The following C1orf54 variants were observed in gnomAD, a reference collection of about 807,000 sequenced individuals.
C1orf54 encodes chromosome 1 open reading frame 54.
C1orf54 carries 12 observed loss-of-function variants against 14.7 expected under a neutral mutation model. The observed-to-expected ratio is 0.82, with a 90% confidence interval of 0.52 to 1.32. C1orf54 has a LOEUF of 1.32. Ranked by LOEUF, C1orf54 falls within the 40% of genes most tolerant of loss-of-function variation. The pLI, the probability that C1orf54 is intolerant of heterozygous loss-of-function variation, is 0.00. For synonymous variants in C1orf54, 65 were observed against 56.3 expected (o/e 1.16, Z -0.70); for missense variants, 163 against 162.2 (o/e 1.00, Z -0.03).
At chr1:150,273,529 G>A (rs782265878) in intron 1 of C1orf54, among the ~76,000 whole-genome samples, 7 of 152,202 alleles carry the variant, frequency 4.6e-5, no homozygotes, top group Non-Finnish European at 8.8e-5. Context: ...TTCTGAAAGG[G>A]AAGAAAAACT....
At position 150,274,124 on chromosome 1, in the gene C1orf54, T is replaced by C; in HGVS notation, c.84T>C (p.Asp28=). 1.2e-6 allele frequency: 2 copies of C among 1,612,732 alleles called. No homozygotes were observed. The highest frequency in any genetic ancestry group is 1.7e-6 in the Non-Finnish European group (2 of 1,178,794). Residue 28 remains aspartate, a synonymous_variant, in exon 2 of 6, where the codon GAT becomes GAC. Transcript: ENST00000369099. ...AGGATGAAGAAAGACTGGGAGAGGA[T>C]GAATATTATCAGGTGGTCTATTATT... ...EYEDEERLGE[D]EYYQVVYYYT...
chr1:150,271,109 A>C (rs751937858), upstream of C1orf54, among the ~76,000 whole-genome samples: 18 of 151,718 alleles, frequency 1.2e-4, no homozygotes, highest in Non-Finnish European at 2.4e-4. Flanking sequence ...GGAATGAGAC[A>C]ATTCTCATGT....
chr1:150,274,060 C>T, intron 1 of C1orf54, 27 bp from the exon 2 acceptor site: 1 of 1,531,622 alleles, frequency 6.5e-7, no homozygotes, highest in Non-Finnish European at 9.0e-7. Context: ...CCAGATGTCC[C>T]TTGACCTCTA....
chr1:150,275,799 G>C lies in C1orf54; in HGVS notation c.189G>C (p.Leu63=), dbSNP rs1553852338. The C allele has an allele frequency of 6.2e-7, 1 of 1,608,508 alleles. No homozygotes were observed. Among genetic ancestry groups the C allele is most frequent in the African/African-American group, 1.3e-5 (1 of 74,872 alleles). ...CCATATTTGAGTCAGAGGACAGGCTGGTGAGTGAACTCTACATCTAAAAGG... is the reference window on the plus strand; with the variant it reads ...CCATATTTGAGTCAGAGGACAGGCTCGTGAGTGAACTCTACATCTAAAAGG... ...DYSIFESEDR[L]NRLDKDITEA... Residue 63 remains leucine (L), a splice_region_variant and synonymous_variant, in exon 3 of 6, where the codon CTG becomes CTC. Transcript: ENST00000369099.
upstream of C1orf54, chr1:150,272,562 A>G (rs1652285118): frequency 2.0e-6 from 1 of 511,316 alleles, no homozygotes; most frequent in Non-Finnish European, 3.5e-6. Flanking sequence ...GATCTAATCT[A>G]GGGCAGGGGG....
intron 2 of C1orf54, among the ~76,000 whole-genome samples, chr1:150,275,179 C>A (rs1553852179): frequency 6.6e-6 from 1 of 151,728 alleles, no homozygotes; most frequent in African/African-American, 2.4e-5. Flanking sequence ...GCTGGGACTA[C>A]AGGCGTGTGC....
chr1:150,279,823 C>G, intron 5 of C1orf54, 82 bp downstream of exon 5: 1 of 1,165,794 alleles, frequency 8.6e-7, no homozygotes, highest in Non-Finnish European at 1.2e-6. Flanking sequence ...GTAATTCTTA[C>G]CAGTATCTCT....
rs782182575 is a variant in C1orf54, at chr1:150,279,635, T to C, written c.301-8T>C. The C allele has an allele frequency of 6.2e-7, 1 of 1,605,820 alleles. No homozygotes were observed. The highest frequency in any genetic ancestry group is 8.5e-7 in the Non-Finnish European group (1 of 1,176,158). On this transcript the variant is annotated splice_region_variant and splice_polypyrimidine_tract_variant and intron_variant, in intron 4 of 5. Transcript: ENST00000369099. The stretch of plus-strand genomic sequence containing the variant: ...GCCTACTGTGTGGGGATGTCGGTAT[T>C]TTAGCAGAGTCCAGATCTGAACGAT...
intron 3 of C1orf54, among the ~76,000 whole-genome samples, 171 bp downstream of exon 3, chr1:150,275,970 C>G (rs112309246): frequency 1.4e-4 from 21 of 152,206 alleles, no homozygotes; most frequent in African/African-American, 5.1e-4. Context: ...AACCCCGTCT[C>G]TACTAAAAAT....
chr1:150,272,314 T>C (rs1652263593), upstream of C1orf54: 1 of 159,278 alleles, frequency 6.3e-6, no homozygotes, highest in African/African-American at 2.4e-5. Context: ...GGGATTCTTT[T>C]CAGTCTAGAA....
intron 5 of C1orf54, among the ~76,000 whole-genome samples, chr1:150,280,517 A>G (rs1332228193): frequency 6.6e-6 from 1 of 152,260 alleles, no homozygotes; most frequent in Non-Finnish European, 1.5e-5. Context: ...GGTAGAGTCA[A>G]GAGGCAAAGT....
At chr1:150,278,782 A>G (rs1652869288) in intron 4 of C1orf54, among the ~76,000 whole-genome samples, 1 of 152,208 alleles carries the variant, frequency 6.6e-6, no homozygotes, top group Admixed American at 6.5e-5. Flanking sequence ...TTGTGGAGTT[A>G]AAGAGTGAGT....
chr1:150,276,741 T>G, intron 4 of C1orf54, 109 bp downstream of exon 4: 1 of 824,290 alleles, frequency 1.2e-6, no homozygotes, highest in Non-Finnish European at 2.0e-6. Context: ...AACCAAATAA[T>G]TAGTACTTCA....
intron 5 of C1orf54, 83 bp from the exon 6 acceptor site, chr1:150,280,752 G>C: frequency 9.1e-7 from 1 of 1,102,792 alleles, no homozygotes; most frequent in Non-Finnish European, 1.3e-6. Context: ...TATCTGGGGA[G>C]TTTCCATAGA....
rs1553851879 is a variant in C1orf54 at position 150,274,086 on chromosome 1, G to A, written c.47-1G>A. On this transcript the variant is annotated splice_acceptor_variant, in intron 1 of 5. Transcript: ENST00000369099. LOFTEE classifies it high-confidence loss of function. The stretch of plus-strand genomic sequence containing the variant: ...TTGACCTCTAGTCCTTGTCCCCATA[G>A]GACAAGAATATGAGGATGAAGAAAG... 1 of 1,608,854 alleles carries A rather than the reference G, an allele frequency of 6.2e-7. No individual in the cohort carries two copies. The highest frequency in any genetic ancestry group is 2.2e-5 in the East Asian group (1 of 44,830).
At chr1:150,270,160 C>G (rs1553850987), upstream of C1orf54, among the ~76,000 whole-genome samples, 1 of 151,088 alleles carries the variant, frequency 6.6e-6, no homozygotes, top group Non-Finnish European at 1.5e-5. Flanking sequence ...GGAAAGAAAT[C>G]TGGAATATTG....
chr1:150,272,862 G>A lies in C1orf54; in HGVS notation c.45G>A (p.Leu15=), dbSNP rs782351557. ...FVAIFAVPLI[L]GQEYEDEERL... ...CCATCTTTGCTGTGCCACTTATCCT[G>A]GGTAAGTCCACTCCTCTCTCTGAGC... is the stretch of plus-strand genomic sequence containing the variant. The change falls in exon 1 of 6, where the codon CTG becomes CTA. Residue 15 remains leucine, a splice_region_variant and synonymous_variant. Transcript: ENST00000369099. 6.2e-7 allele frequency: 1 copy of A among 1,614,104 alleles called. No individual in the cohort carries two copies. Among genetic ancestry groups the A allele is most frequent in the East Asian group, 2.2e-5 (1 of 44,876 alleles).
intron 5 of C1orf54, among the ~76,000 whole-genome samples, chr1:150,280,391 G>C (rs1572117641): frequency 6.6e-6 from 1 of 152,318 alleles, no homozygotes; most frequent in East Asian, 1.9e-4. Flanking sequence ...TGATGGGGTT[G>C]GGGGAATACT....
intron 5 of C1orf54, 113 bp downstream of exon 5, chr1:150,279,854 T>A: frequency 1.1e-6 from 1 of 911,810 alleles, no homozygotes; most frequent in Non-Finnish European, 1.7e-6. Context: ...TCCAGCCTGG[T>A]CAATTATCAG....
Sources: allele counts gnomAD v4.1 joint callset (sites outside exome capture counted in the v4.1 genomes callset), GRCh38; gene constraint gnomAD v4.1.1; transcripts MANE v1.5; gene names NCBI Gene and HGNC (gene_info 2026-07-23, HGNC 2026-07-21).